TULP2: variants seen among roughly 807,000 people sequenced by gnomAD.
TULP2 encodes the protein TUB like protein 2.
TULP2 carries 64 observed loss-of-function variants against 60.3 expected under a neutral mutation model. The observed-to-expected ratio is 1.06, with a 90% confidence interval of 0.87 to 1.31. The LOEUF is 1.31. Ranked by LOEUF, TULP2 falls within the 50% of genes most tolerant of loss-of-function variation. TULP2 has a pLI of 0.00. For missense variants in TULP2, 652 were observed against 667.0 expected (o/e 0.98, Z 0.25); for synonymous variants, 267 against 265.4 (o/e 1.01, Z -0.06).
rs1284179064 is a variant in TULP2, at chr19:48,897,792, C to G, written c.32+45G>C. Reference sequence around the variant, plus strand: ...GCCAGAGCCGAGTGCACGGGGTCCCCAGCCCTTTCCACCTCCACCCCTACC... The same window carrying G: ...GCCAGAGCCGAGTGCACGGGGTCCCGAGCCCTTTCCACCTCCACCCCTACC... On this transcript the variant is annotated intron_variant, in intron 2 of 12. Transcript: ENST00000221399. The surrounding 1 kb of genome is among the most constrained non-coding windows in gnomAD (Gnocchi z 4.0). 1 of 1,610,122 alleles carries G rather than the reference C, an allele frequency of 6.2e-7. No individual in the cohort carries two copies. The highest frequency in any genetic ancestry group is 1.7e-4 in the Middle Eastern group (1 of 6,034).
intron 12 of TULP2, 34 bp from the exon 13 acceptor site, chr19:48,881,160 G>C: frequency 7.6e-7 from 1 of 1,319,148 alleles, no homozygotes; most frequent in Non-Finnish European, 1.1e-6. Flanking sequence ...GCCTTAGCCT[G>C]ACTCTCTCAT....
chr19:48,896,036 C>T (rs1410239820), intron 4 of TULP2, among the ~76,000 whole-genome samples: 2 of 152,312 alleles, frequency 1.3e-5, no homozygotes, highest in East Asian at 3.9e-4. Flanking sequence ...CGTAATGAGA[C>T]CGCGCCCCGC....
chr19:48,895,448 G>A lies in TULP2; in HGVS notation c.267C>T (p.Gly89=). The part of the protein sequence containing the change: ...KKVSEAHLPS[G]IHSALGTVSC... ...TCACGGTGCCCAGGGCACTGTGGAT[G>A]CCAGAGGGCAGATGTGCCTCTGACA... Residue 89 remains glycine (G), a synonymous_variant, in exon 5 of 13, where the codon GGC becomes GGT. Coordinates refer to ENST00000221399, the MANE Select transcript of TULP2 (RefSeq NM_003323.3). 2 of 1,613,686 alleles carry A rather than the reference G, an allele frequency of 1.2e-6. No individual in the cohort carries two copies. Among genetic ancestry groups the A allele is most frequent in the African/African-American group, 2.7e-5 (2 of 75,028 alleles).
chr19:48,883,735 C>T lies in TULP2; in HGVS notation c.1275+19G>A. 2 of 1,613,432 alleles carry T rather than the reference C, an allele frequency of 1.2e-6. No homozygotes were observed. Among genetic ancestry groups the T allele is most frequent in the Non-Finnish European group, 1.7e-6 (2 of 1,179,724 alleles). ...CCCCTTCTCCATTGACCCAGAGATTCCTGATGTCAGGGACTCACATTTAGT... is the reference window on the plus strand; with the variant it reads ...CCCCTTCTCCATTGACCCAGAGATTTCTGATGTCAGGGACTCACATTTAGT... On this transcript the variant is annotated intron_variant, in intron 11 of 12. Transcript: ENST00000221399.
intron 6 of TULP2, among the ~76,000 whole-genome samples, chr19:48,894,524 C>T (rs2037261030): frequency 6.6e-6 from 1 of 151,896 alleles, no homozygotes; most frequent in Non-Finnish European, 1.5e-5. Context: ...ACCTGTAGTC[C>T]CAGCTACTTG....
intron 11 of TULP2, among the ~76,000 whole-genome samples, chr19:48,882,942 G>A (rs1568567945): frequency 6.6e-6 from 1 of 152,082 alleles, no homozygotes; most frequent in Non-Finnish European, 1.5e-5. Flanking sequence ...GGTTACTGCC[G>A]GGCACGGTGG....
chr19:48,896,853 C>A (rs1250554130), intron 3 of TULP2: 2 of 346,758 alleles, frequency 5.8e-6, no homozygotes, highest in Non-Finnish European at 1.0e-5. Flanking sequence ...TTCTTTAGAA[C>A]CCCCAATTCC....
At position 48,897,924 on chromosome 19, in the gene TULP2, G is replaced by A; in HGVS notation, c.-1-55C>T. ...CAGAACCAACATCCCAATGGATCCT[G>A]CCCACCAGCACCTAATCTTTAGCCT... On this transcript the variant is annotated intron_variant, in intron 1 of 12. Transcript: ENST00000221399. This position sits in a 1 kb window ranked among gnomAD's most constrained non-coding sequence, Gnocchi z 4.0. 6.8e-7 allele frequency: 1 copy of A among 1,479,550 alleles called. No homozygotes were observed. Among genetic ancestry groups the A allele is most frequent in the Non-Finnish European group, 9.3e-7 (1 of 1,070,632 alleles). 91.7% of individuals were successfully genotyped at this position (1,479,550 alleles called of 1,614,324 possible). A position where few individuals can be genotyped will look rare whatever the true frequency, so the allele number is the denominator to read the frequency against.
At chr19:48,888,310 C>G (rs373268389) in intron 7 of TULP2, 49 bp from the exon 8 acceptor site, 12 of 1,534,544 alleles carry the variant, frequency 7.8e-6, no homozygotes, top group Non-Finnish European at 9.7e-6. Flanking sequence ...CCGGCCCAGC[C>G]TTGCTTACTA....
Position 48,895,436 on chromosome 19 carries a change from G to A in TULP2, c.279C>T (p.Ala93=), listed in dbSNP as rs777378752. The change falls in exon 5 of 13, where the codon GCC becomes GCT. Residue 93 remains alanine (A), a synonymous_variant. Coordinates refer to ENST00000221399, the MANE Select transcript of TULP2 (RefSeq NM_003323.3). The stretch of plus-strand genomic sequence containing the variant: ...CTCCACCACAGCTCACGGTGCCCAG[G>A]GCACTGTGGATGCCAGAGGGCAGAT... ...EAHLPSGIHS[A]LGTVSCGGDG... is the part of the protein sequence containing the mutation. 19 of 1,613,782 alleles carry A rather than the reference G, an allele frequency of 1.2e-5. No homozygotes were observed. In the East Asian group the frequency reaches 4.0e-4, roughly 34 times the overall value.
In TULP2 at chr19:48,897,576, C is replaced by T. The variant is rs1600035898; in HGVS notation, c.33-180G>A. The T allele has an allele frequency of 2.8e-6, 2 of 713,380 alleles. No homozygotes were observed. Among genetic ancestry groups the T allele is most frequent in the Non-Finnish European group, 4.7e-6 (2 of 428,130 alleles). The allele number at this position is 713,380 out of a possible 1,614,324, so 44.2% of individuals were successfully genotyped here. On this transcript the variant is annotated intron_variant, in intron 2 of 12. Transcript: ENST00000221399. The surrounding 1 kb of genome is among the most constrained non-coding windows in gnomAD (Gnocchi z 4.0). ...TAGGGCCCTTTCTCCTGGCACTGGCCCACAGAAGCCGGGACCCAGAGATCC... is the reference window on the plus strand; with the variant it reads ...TAGGGCCCTTTCTCCTGGCACTGGCTCACAGAAGCCGGGACCCAGAGATCC...
In TULP2 at chr19:48,897,208, A is replaced by G. The variant is rs1041101894; in HGVS notation, c.84+137T>C. The stretch of plus-strand genomic sequence containing the variant: ...CCCGGCCCCAAATTCCTATTTTCTC[A>G]TTTCTCAGTGGGAAAACTCAAGGAT... On this transcript the variant is annotated intron_variant, in intron 3 of 12. Coordinates refer to ENST00000221399, the MANE Select transcript of TULP2 (RefSeq NM_003323.3). The surrounding 1 kb of genome is among the most constrained non-coding windows in gnomAD (Gnocchi z 4.0). The G allele has an allele frequency of 3.0e-6, 3 of 989,366 alleles. No homozygotes were observed. The highest frequency in any genetic ancestry group is 4.6e-6 in the Non-Finnish European group (3 of 646,726). 61.3% of individuals were successfully genotyped at this position (989,366 alleles called of 1,614,324 possible). A position where few individuals can be genotyped will look rare whatever the true frequency, so the allele number is the denominator to read the frequency against.
At chr19:48,896,238 C>T (rs1218871997) in intron 4 of TULP2, among the ~76,000 whole-genome samples, 192 bp downstream of exon 4, 1 of 152,168 alleles carries the variant, frequency 6.6e-6, no homozygotes, top group African/African-American at 2.4e-5. Flanking sequence ...GGTCCTGCCG[C>T]GGGGGGCCCC....
At chr19:48,890,348 GT>G (rs2037221302) in intron 6 of TULP2, among the ~76,000 whole-genome samples, 1 of 152,046 alleles carries the variant, frequency 6.6e-6, no homozygotes. Context: ...TTGTTCACGT[GT>G]TTGTCTGCTG....
chr19:48,882,263 A>G (rs776902796), intron 11 of TULP2, 60 bp from the exon 12 acceptor site: 69 of 1,593,054 alleles, frequency 4.3e-5, no homozygotes, highest in Admixed American at 8.5e-5. Context: ...CATCTTGAAC[A>G]GGGGCGACTC....
At position 48,883,914 on chromosome 19, in the gene TULP2, C is replaced by G; in HGVS notation, c.1176+18G>C. 2.5e-6 allele frequency: 4 copies of G among 1,613,932 alleles called. No homozygotes were observed. Among genetic ancestry groups the G allele is most frequent in the Non-Finnish European group, 3.4e-6 (4 of 1,179,880 alleles). ...TTCTGACTATCCTACCCCATTCTCTCATCCCCAGGACACTCACATAACACA... is the reference window on the plus strand; with the variant it reads ...TTCTGACTATCCTACCCCATTCTCTGATCCCCAGGACACTCACATAACACA... On this transcript the variant is annotated intron_variant, in intron 10 of 12. Transcript: ENST00000221399.
In TULP2 at chr19:48,886,927, T is replaced by G. The variant is rs908077695; in HGVS notation, c.948+1023A>C. Among the ~76,000 whole-genome samples the G allele has an allele frequency of 1.5e-4, 23 of 150,816 alleles. 1 individual carries two copies. Among genetic ancestry groups the G allele is most frequent in the Admixed American group, 1.3e-3 (20 of 15,050 alleles). ...CAGGGTTCCACCTTGCTGCCCAAGCTGATCTGGAACTTGTCAGCTCAAATG... is the reference window on the plus strand; with the variant it reads ...CAGGGTTCCACCTTGCTGCCCAAGCGGATCTGGAACTTGTCAGCTCAAATG... On this transcript the variant is annotated intron_variant, in intron 8 of 12. Transcript: ENST00000221399.
At chr19:48,887,835 G>A in intron 8 of TULP2, 115 bp downstream of exon 8, 1 of 1,151,416 alleles carries the variant, frequency 8.7e-7, no homozygotes, top group Non-Finnish European at 1.2e-6. Flanking sequence ...TGGGATTATA[G>A]GCGTGAGCCA....
At chr19:48,892,731 T>A (rs556611378) in intron 6 of TULP2, among the ~76,000 whole-genome samples, 96 of 152,078 alleles carry the variant, frequency 6.3e-4, no homozygotes, top group African/African-American at 2.0e-3. Flanking sequence ...GACCTCGTGA[T>A]CCGCCCGCCT....
Sources: gnomAD v4.1 joint callset for allele counts (sites outside exome capture counted in the v4.1 genomes callset) on GRCh38, gnomAD v4.1.1 for gene constraint, Gnocchi (gnomAD v3.1) non-coding constraint, MANE v1.5 for transcripts, NCBI Gene and HGNC (gene_info 2026-07-23, HGNC 2026-07-21) for gene names.